The following PPP6R3 variants were observed in gnomAD, a reference collection of about 807,000 sequenced individuals.
PPP6R3 encodes protein phosphatase 6 regulatory subunit 3.
Under a neutral mutation model 110.7 loss-of-function variants are expected in PPP6R3, and 38 were observed. That is an observed-to-expected ratio of 0.34 (90% CI 0.26 to 0.45). PPP6R3 has a LOEUF of 0.45. PPP6R3 is among the 20% of genes least tolerant of loss of function. The pLI is 1.00. For synonymous variants in PPP6R3, 369 were observed against 373.5 expected (o/e 0.99, Z 0.14); for missense variants, 870 against 1,062.4 (o/e 0.82, Z 2.52).
rs79961644 is a variant in PPP6R3 at position 68,587,655 on chromosome 11, C to G, written c.1633-272C>G. 8.5e-3 allele frequency: 4,194 copies of G among 494,120 alleles called. 161 individuals are homozygous for G. Among genetic ancestry groups the G allele is most frequent in the African/African-American group, 0.074 (3,819 of 51,478 alleles). The allele number at this position is 494,120 out of a possible 1,614,324, so 30.6% of individuals were successfully genotyped here. On this transcript the variant is annotated intron_variant, in intron 15 of 23. Transcript: ENST00000393800. ...AACTAGGCTTAATCCAAACCTCTCT[C>G]TAAAGATAATTCACAATAGAGGACA...
At chr11:68,500,635 G>A (rs1592116206) in intron 1 of PPP6R3, among the ~76,000 whole-genome samples, 1 of 152,032 alleles carries the variant, frequency 6.6e-6, no homozygotes, top group South Asian at 2.1e-4. Context: ...GTGCCACCAC[G>A]CCCGGCTAAT....
At chr11:68,563,980 G>T (rs1208515854) in intron 8 of PPP6R3, among the ~76,000 whole-genome samples, 1 of 152,144 alleles carries the variant, frequency 6.6e-6, no homozygotes, top group African/African-American at 2.4e-5. Context: ...CCAGAGGTTG[G>T]ATCCCTTTCG....
At position 68,516,234 on chromosome 11, in the gene PPP6R3, G is replaced by A. The variant is rs921737498; in HGVS notation, c.-157-3267G>A. ...TAAAGCATCCCTAATTGGAAATTTC[G>A]AAATGCTTCAAAATCTGAAACTTTT... On this transcript the variant is annotated intron_variant, in intron 1 of 23. Transcript: ENST00000393800. Among the ~76,000 whole-genome samples the A allele has an allele frequency of 2.6e-5, 4 of 152,070 alleles. No individual in the cohort carries two copies. The South Asian group carries it at 6.2e-4, about 24-fold the overall frequency.
chr11:68,594,034 A>G (rs79124012), intron 18 of PPP6R3, among the ~76,000 whole-genome samples: 8,602 of 152,260 alleles, frequency 0.056, 257 homozygotes, highest in Middle Eastern at 0.13. Flanking sequence ...ATTTAAATAC[A>G]AAGAAACAAG....
intron 1 of PPP6R3, among the ~76,000 whole-genome samples, chr11:68,495,910 T>C (rs1039060415): frequency 1.3e-5 from 2 of 152,212 alleles, no homozygotes; most frequent in African/African-American, 2.4e-5. Context: ...ACTGTGAGAC[T>C]ATTCTCCAAA....
chr11:68,505,850 A>G (rs897059121), intron 1 of PPP6R3, among the ~76,000 whole-genome samples: 2 of 152,080 alleles, frequency 1.3e-5, no homozygotes. Flanking sequence ...GGTGGAGACT[A>G]AGGCATACAA....
At chr11:68,520,760 A>G (rs1028046805) in intron 2 of PPP6R3, among the ~76,000 whole-genome samples, 1 of 151,992 alleles carries the variant, frequency 6.6e-6, no homozygotes, top group Non-Finnish European at 1.5e-5. Flanking sequence ...CTTGTCTCAT[A>G]GAGTTTTTTT....
At chr11:68,592,146 T>A (rs1437555521) in intron 18 of PPP6R3, among the ~76,000 whole-genome samples, 3 of 151,968 alleles carry the variant, frequency 2.0e-5, no homozygotes, top group Non-Finnish European at 4.4e-5. Context: ...TCTGGGTCAA[T>A]CCAGTCCTTT....
At chr11:68,530,476 T>C (rs2099232022) in intron 2 of PPP6R3, among the ~76,000 whole-genome samples, 1 of 152,262 alleles carries the variant, frequency 6.6e-6, no homozygotes, top group African/African-American at 2.4e-5. Flanking sequence ...TCCTATTTTG[T>C]TCTGTTTGTG....
chr11:68,496,354 C>G (rs2099015872), intron 1 of PPP6R3, among the ~76,000 whole-genome samples: 1 of 151,836 alleles, frequency 6.6e-6, no homozygotes, highest in Non-Finnish European at 1.5e-5. Context: ...TCCCTCCTTC[C>G]TTTTTGAGAC....
At chr11:68,594,973 A>C (rs2099609071) in intron 18 of PPP6R3, among the ~76,000 whole-genome samples, 1 of 152,216 alleles carries the variant, frequency 6.6e-6, no homozygotes, top group Non-Finnish European at 1.5e-5. Context: ...TGAAGAAAGG[A>C]TAGTCTTTTC....
rs1159007515 is a variant in PPP6R3 at position 68,614,172 on chromosome 11, A to ATTGT, written c.*1058_*1061dup. On this transcript the variant is annotated 3_prime_UTR_variant, in exon 24 of 24. Coordinates refer to ENST00000393800, the MANE Select transcript of PPP6R3 (RefSeq NM_001164161.2). ...CAAAATCTGGCACCGAAGCATGCTAATTGTTTACTGTACCTTGTGAGGTTT... is the reference window on the plus strand; with the variant it reads ...CAAAATCTGGCACCGAAGCATGCTAATTGTTTGTTTACTGTACCTTGTGAGGTTT... 3 of 986,322 alleles carry ATTGT rather than the reference A, an allele frequency of 3.0e-6. No homozygotes were observed. Among genetic ancestry groups the ATTGT allele is most frequent in the African/African-American group, 3.5e-5 (2 of 57,236 alleles). 61.1% of individuals were successfully genotyped at this position (986,322 alleles called of 1,614,324 possible). A position where few individuals can be genotyped will look rare whatever the true frequency, so the allele number is the denominator to read the frequency against.
At chr11:68,529,274 A>G (rs1043996464) in intron 2 of PPP6R3, among the ~76,000 whole-genome samples, 50 of 152,152 alleles carry the variant, frequency 3.3e-4, no homozygotes, top group African/African-American at 1.2e-3. Flanking sequence ...GCTGGAGTGC[A>G]GTGGCACAAT....
intron 22 of PPP6R3, chr11:68,609,674 A>T (rs759204857): frequency 6.4e-7 from 1 of 1,567,210 alleles, no homozygotes; most frequent in Non-Finnish European, 8.7e-7. Context: ...CGCCAGCCAC[A>T]TTACATTGTC....
chr11:68,605,294 C>A (rs1938969248), intron 22 of PPP6R3, among the ~76,000 whole-genome samples: 1 of 152,072 alleles, frequency 6.6e-6, no homozygotes, highest in African/African-American at 2.4e-5. Flanking sequence ...GCCTGGGGGA[C>A]AAAATGAGAC....
At position 68,614,986 on chromosome 11, in the gene PPP6R3, T is replaced by G. The variant is rs1944979556; in HGVS notation, c.*1869T>G. ...TGGTATGGACCTGGTGGCTTCTCCATCCCACTGTGGCCTCTGTGGTATGGA... is the reference window on the plus strand; with the variant it reads ...TGGTATGGACCTGGTGGCTTCTCCAGCCCACTGTGGCCTCTGTGGTATGGA... On this transcript the variant is annotated 3_prime_UTR_variant, in exon 24 of 24. Coordinates refer to ENST00000393800, the MANE Select transcript of PPP6R3 (RefSeq NM_001164161.2). 1 of 562,154 alleles carries G rather than the reference T, an allele frequency of 1.8e-6. No homozygotes were observed. The highest frequency in any genetic ancestry group is 1.9e-5 in the African/African-American group (1 of 53,852). The allele number at this position is 562,154 out of a possible 1,614,324, so 34.8% of individuals were successfully genotyped here. A position where few individuals can be genotyped will look rare whatever the true frequency, so the allele number is the denominator to read the frequency against.
At position 68,583,100 on chromosome 11, in the gene PPP6R3, G is replaced by A; in HGVS notation, c.1603G>A (p.Gly535Ser). Residue 535 changes from glycine to serine, a missense_variant, in exon 15 of 24, where the codon GGT becomes AGT. By Grantham distance (56) the Gly-to-Ser change is moderately conservative. Coordinates refer to ENST00000393800, the MANE Select transcript of PPP6R3 (RefSeq NM_001164161.2). ...SDDEIDFKET[G>S]FSQDSSLQQA... ...TGATGAAATTGACTTTAAAGAAACG[G>A]GTTTCTCACAGGATTCTTCTTTGCA... The A allele has an allele frequency of 6.5e-7, 1 of 1,547,302 alleles. No individual in the cohort carries two copies. Among genetic ancestry groups the A allele is most frequent in the Non-Finnish European group, 8.7e-7 (1 of 1,144,190 alleles).
intron 3 of PPP6R3, among the ~76,000 whole-genome samples, chr11:68,541,610 G>A (rs1227377748): frequency 6.6e-6 from 1 of 152,182 alleles, no homozygotes; most frequent in Non-Finnish European, 1.5e-5. Flanking sequence ...ATGAGGTGGA[G>A]ATGAGGCCTA....
chr11:68,613,169 G>T lies in PPP6R3; in HGVS notation c.*52G>T. 6.2e-7 allele frequency: 1 copy of T among 1,608,402 alleles called. No homozygotes were observed. Among genetic ancestry groups the T allele is most frequent in the Non-Finnish European group, 8.5e-7 (1 of 1,177,764 alleles). ...AGGACTGCAGACCGCCACCACTCAG[G>T]GGCTCTGGAGGGGTCAGCTGGAGCC... On this transcript the variant is annotated 3_prime_UTR_variant, in exon 24 of 24. Transcript: ENST00000393800.
Sources: gnomAD v4.1 joint callset for allele counts (sites outside exome capture counted in the v4.1 genomes callset) on GRCh38, gnomAD v4.1.1 for gene constraint, MANE v1.5 for transcripts, NCBI Gene and HGNC (gene_info 2026-07-23, HGNC 2026-07-21) for gene names.